ACER3: variants seen among roughly 807,000 people sequenced by gnomAD.
The protein encoded by ACER3 is alkCDase 3.
Under a neutral mutation model 48.9 loss-of-function variants are expected in ACER3, and 16 were observed. The observed-to-expected ratio is 0.33, with a 90% CI of 0.22 to 0.50. The LOEUF (loss-of-function observed/expected upper bound fraction) is 0.50, where lower values mean the gene tolerates loss of function less well. Among genes scored for constraint, ACER3 ranks in the 20% least tolerant of loss-of-function variants. ACER3 has a pLI of 0.98. For missense variants in ACER3, 227 were observed against 326.0 expected (o/e 0.70, Z 2.34); for synonymous variants, 109 against 107.8 (o/e 1.01, Z -0.07).
chr11:76,998,261 T>C (rs371252203), intron 6 of ACER3, among the ~76,000 whole-genome samples: 1 of 152,150 alleles, frequency 6.6e-6, no homozygotes, highest in Non-Finnish European at 1.5e-5. Context: ...GGAAAATGGA[T>C]TAACCTTAGT....
intron 6 of ACER3, chr11:76,994,041 T>C: frequency 2.5e-6 from 1 of 402,096 alleles, no homozygotes; most frequent in Non-Finnish European, 4.9e-6. Context: ...TGTGGTAGTG[T>C]GCTGAAGCGT....
chr11:77,012,416 C>CAAA lies in ACER3; in HGVS notation c.498-2577_498-2575dup, dbSNP rs35917677. On this transcript the variant is annotated intron_variant, in intron 7 of 10. Coordinates refer to ENST00000532485, the MANE Select transcript of ACER3 (RefSeq NM_018367.7). The stretch of plus-strand genomic sequence containing the variant: ...CTGGCAATAGAGCAAGACTCCATCT[C>CAAA]AAAAAAAAAAAAAAAAAAAAAAAAA... 3.4e-3 allele frequency among the ~76,000 whole-genome samples: 72 copies of CAAA among 21,274 alleles called. 1 individual carries two copies. The highest frequency in any genetic ancestry group is 3.8e-3 in the Non-Finnish European group (37 of 9,680). 14.0% of individuals were successfully genotyped at this position (21,274 alleles called of 152,430 possible).
intron 2 of ACER3, among the ~76,000 whole-genome samples, chr11:76,938,977 A>AAAAAAAAAAT (rs1483466020): frequency 6.6e-6 from 1 of 151,980 alleles, no homozygotes; most frequent in African/African-American, 2.4e-5. Flanking sequence ...TGCTAAAAAA[A>AAAAAAAAAAT]ATGAAGGAAT....
rs1272823497 is a variant in ACER3, at chr11:76,967,655, G to A, written c.267+8624G>A. 3.7e-4 allele frequency among the ~76,000 whole-genome samples: 57 copies of A among 152,138 alleles called. 1 individual carries two copies. The highest frequency in any genetic ancestry group is 6.9e-4 in the Non-Finnish European group (47 of 68,036). On this transcript the variant is annotated intron_variant, in intron 3 of 10. Coordinates refer to ENST00000532485, the MANE Select transcript of ACER3 (RefSeq NM_018367.7). The stretch of plus-strand genomic sequence containing the variant: ...GTTCAACATAGGCAAATCAATAAAC[G>A]TAATCCAGCATATAAACAGAACCAA...
chr11:77,000,984 A>C (rs1949021432), intron 7 of ACER3, among the ~76,000 whole-genome samples: 1 of 152,204 alleles, frequency 6.6e-6, no homozygotes, highest in Non-Finnish European at 1.5e-5. Context: ...TATATTAAAT[A>C]TGCATATCAA....
chr11:76,875,914 T>C (rs7944465), intron 1 of ACER3, among the ~76,000 whole-genome samples: 9,264 of 151,774 alleles, frequency 0.061, 314 homozygotes, highest in Middle Eastern at 0.12. Context: ...TTTTGTATTA[T>C]TAGTAGAGAC....
chr11:76,915,409 T>C (rs528655744), intron 1 of ACER3, among the ~76,000 whole-genome samples: 1 of 152,054 alleles, frequency 6.6e-6, no homozygotes, highest in South Asian at 2.1e-4. Flanking sequence ...CATCTGAGGC[T>C]TTCTTCCCTT....
intron 1 of ACER3, among the ~76,000 whole-genome samples, chr11:76,900,442 C>G (rs192584327): frequency 2.7e-4 from 41 of 152,272 alleles, no homozygotes; most frequent in African/African-American, 9.9e-4. Context: ...GATAACAGTA[C>G]TTTTCCACTA....
intron 1 of ACER3, among the ~76,000 whole-genome samples, chr11:76,904,629 A>G (rs1403713676): frequency 6.6e-6 from 1 of 152,158 alleles, no homozygotes; most frequent in African/African-American, 2.4e-5. Flanking sequence ...AAACCTCTTC[A>G]AATATTAAAA....
At chr11:77,014,927 TA>T in intron 7 of ACER3, 88 bp from the exon 8 acceptor site, 1 of 794,058 alleles carries the variant, frequency 1.3e-6, no homozygotes, top group Non-Finnish European at 2.2e-6. Context: ...CCAGCCCTTA[TA>T]AAAAAGGAAG....
At chr11:76,946,563 G>GC (rs1284913753) in intron 2 of ACER3, among the ~76,000 whole-genome samples, 1 of 152,184 alleles carries the variant, frequency 6.6e-6, no homozygotes, top group Non-Finnish European at 1.5e-5. Context: ...GTAGGGCAGG[G>GC]CCCCTTCCAG....
In ACER3 at chr11:76,868,249, CT is replaced by C. The variant is rs751999596; in HGVS notation, c.103+7171del. The stretch of plus-strand genomic sequence containing the variant: ...GTCATATGAAGGAAGATGCTCCTTT[CT>C]CTGAAGGTTATTGACAGGCAAGCAG... On this transcript the variant is annotated intron_variant, in intron 1 of 10. Coordinates refer to ENST00000532485, the MANE Select transcript of ACER3 (RefSeq NM_018367.7). 5.4e-6 allele frequency: 7 copies of C among 1,288,820 alleles called. No homozygotes were observed. In the South Asian group the frequency reaches 8.7e-5, roughly 16 times the overall value. 79.8% of individuals were successfully genotyped at this position (1,288,820 alleles called of 1,614,324 possible).
chr11:76,965,909 A>G (rs1378473708), intron 3 of ACER3, among the ~76,000 whole-genome samples: 2 of 151,306 alleles, frequency 1.3e-5, no homozygotes, highest in Admixed American at 6.6e-5. Flanking sequence ...ACTAACGAGC[A>G]AAATAACCAG....
intron 1 of ACER3, among the ~76,000 whole-genome samples, chr11:76,898,760 C>T (rs1174901815): frequency 2.6e-5 from 4 of 151,446 alleles, no homozygotes; most frequent in African/African-American, 4.8e-5. Context: ...AAAAATTAAC[C>T]GGGCGTAGTG....
chr11:76,873,170 G>A (rs950217836), intron 1 of ACER3, among the ~76,000 whole-genome samples: 1 of 151,946 alleles, frequency 6.6e-6, no homozygotes, highest in Non-Finnish European at 1.5e-5. Context: ...TCCTCCCAAA[G>A]TGTTGGGATT....
At chr11:76,962,166 C>T (rs908328601) in intron 3 of ACER3, among the ~76,000 whole-genome samples, 1 of 150,496 alleles carries the variant, frequency 6.6e-6, no homozygotes, top group African/African-American at 2.5e-5. Context: ...TCTCCTGCCT[C>T]AGCCTCCCGA....
chr11:76,893,025 C>CT (rs1386775967), intron 1 of ACER3, among the ~76,000 whole-genome samples: 2 of 152,064 alleles, frequency 1.3e-5, no homozygotes, highest in Non-Finnish European at 2.9e-5. Flanking sequence ...AGTGAACTAG[C>CT]TTGAAAATAA....
chr11:76,886,430 A>T (rs1342511851), intron 1 of ACER3, among the ~76,000 whole-genome samples: 2 of 152,214 alleles, frequency 1.3e-5, no homozygotes, highest in Non-Finnish European at 2.9e-5. Flanking sequence ...TAAACTTTTT[A>T]TACTCAGTTC....
chr11:76,863,941 T>G (rs1397789233), intron 1 of ACER3, among the ~76,000 whole-genome samples: 1 of 152,232 alleles, frequency 6.6e-6, no homozygotes, highest in Non-Finnish European at 1.5e-5. Flanking sequence ...ACACATTCAT[T>G]GTTTTGCCCC....
Sources: allele counts gnomAD v4.1 joint callset (sites outside exome capture counted in the v4.1 genomes callset), GRCh38; gene constraint gnomAD v4.1.1; transcripts MANE v1.5; gene names NCBI Gene and HGNC (gene_info 2026-07-23, HGNC 2026-07-21).